The following VSTM4 variants were observed in gnomAD, a reference collection of about 807,000 sequenced individuals.
The protein encoded by VSTM4 is V-set and transmembrane domain containing 4, also known as V-set and transmembrane domain-containing protein 4.
Under a neutral mutation model 36.4 loss-of-function variants are expected in VSTM4, and 20 were observed. The ratio of observed to expected loss-of-function variants is 0.55; its 90% CI spans 0.39 to 0.80. VSTM4 has a LOEUF of 0.80. Among genes scored for constraint, VSTM4 ranks in the 30% least tolerant of loss-of-function variants. The probability of loss-of-function intolerance (pLI) is 0.00; values close to 1 mark genes in which losing one functional copy is unlikely to be tolerated. For synonymous variants in VSTM4, 182 were observed against 173.9 expected, an observed-to-expected ratio of 1.05 and a Z score of -0.37; for missense variants, 392 against 404.5, an observed-to-expected ratio of 0.97 and a Z score of 0.26.
chr10:49,055,922 T>C (rs1843771734), intron 5 of VSTM4, among the ~76,000 whole-genome samples: 1 of 152,238 alleles, frequency 6.6e-6, no homozygotes, highest in South Asian at 2.1e-4. Context: ...TCCGAGTCCT[T>C]GAATCGGAAG....
intron 3 of VSTM4, among the ~76,000 whole-genome samples, chr10:49,084,277 T>C (rs2131999271): frequency 6.6e-6 from 1 of 152,116 alleles, no homozygotes; most frequent in Admixed American, 6.5e-5. Flanking sequence ...AGTCATCAAA[T>C]AAAGAAAAAG....
chr10:49,078,486 A>G (rs1844219579), intron 3 of VSTM4, among the ~76,000 whole-genome samples: 1 of 147,910 alleles, frequency 6.8e-6, no homozygotes, highest in Admixed American at 6.8e-5. Flanking sequence ...CGACACACAC[A>G]CCAACCTGGA....
chr10:49,043,125 T>C (rs1843546630), intron 7 of VSTM4, among the ~76,000 whole-genome samples: 1 of 152,240 alleles, frequency 6.6e-6, no homozygotes, highest in Admixed American at 6.5e-5. Flanking sequence ...TGGGATGCAC[T>C]GTCCAATGTG....
intron 1 of VSTM4, among the ~76,000 whole-genome samples, chr10:49,111,619 T>C (rs1210096708): frequency 6.6e-6 from 1 of 152,202 alleles, no homozygotes; most frequent in Non-Finnish European, 1.5e-5. Flanking sequence ...TGACCCTGTG[T>C]TGCGGAGAAT....
intron 7 of VSTM4, among the ~76,000 whole-genome samples, chr10:49,044,495 A>G (rs1300340046): frequency 6.6e-6 from 1 of 151,634 alleles, no homozygotes; most frequent in East Asian, 1.9e-4. Context: ...AAATTAAAGA[A>G]AAGAAGGAAG....
intron 5 of VSTM4, among the ~76,000 whole-genome samples, chr10:49,061,088 A>C (rs143743062): frequency 3.7e-4 from 57 of 152,334 alleles, no homozygotes; most frequent in African/African-American, 1.3e-3. Context: ...GGACAGAAGA[A>C]CTGTAAGTCC....
chr10:49,051,878 G>A (rs1843703688), intron 5 of VSTM4, among the ~76,000 whole-genome samples: 2 of 151,810 alleles, frequency 1.3e-5, no homozygotes, highest in South Asian at 2.1e-4. Flanking sequence ...ACCCTTCCTT[G>A]TTCATATATA....
At chr10:49,038,690 T>C (rs1174130622) in intron 7 of VSTM4, among the ~76,000 whole-genome samples, 1 of 152,146 alleles carries the variant, frequency 6.6e-6, no homozygotes, top group African/African-American at 2.4e-5. Context: ...GGGCAGGCCA[T>C]GAGCTCCGTG....
chr10:49,078,781 T>C (rs1262866461), intron 3 of VSTM4, among the ~76,000 whole-genome samples: 1 of 152,186 alleles, frequency 6.6e-6, no homozygotes, highest in Non-Finnish European at 1.5e-5. Context: ...AATGCTATCA[T>C]TGGGAGACAT....
At chr10:49,035,687 A>AAAAAGTT (rs1564568423) in intron 7 of VSTM4, among the ~76,000 whole-genome samples, 17 of 150,908 alleles carry the variant, frequency 1.1e-4, no homozygotes, top group African/African-American at 4.2e-4. Context: ...AAAAAAAAAA[A>AAAAAGTT]AAAAGTTAGA....
chr10:49,035,494 C>T (rs1125517), intron 7 of VSTM4, among the ~76,000 whole-genome samples: 25,555 of 151,766 alleles, frequency 0.17, 2,357 homozygotes, highest in South Asian at 0.36. Flanking sequence ...CCTTTGTCTC[C>T]CAAAAGGGAG....
intron 2 of VSTM4, among the ~76,000 whole-genome samples, chr10:49,087,293 G>A (rs761261124): frequency 2.6e-5 from 4 of 151,944 alleles, no homozygotes; most frequent in Admixed American, 6.5e-5. Flanking sequence ...CTAATTCTGC[G>A]ACCATATCAA....
At chr10:49,113,198 T>C (rs1202448229) in intron 1 of VSTM4, among the ~76,000 whole-genome samples, 9 of 152,218 alleles carry the variant, frequency 5.9e-5, no homozygotes, top group African/African-American at 2.2e-4. Flanking sequence ...GTGAGCTTTC[T>C]TATTAAAAGA....
rs1460426454 is a variant in VSTM4, at chr10:49,047,060, A to G, written c.776-16T>C. On this transcript the variant is annotated splice_polypyrimidine_tract_variant and intron_variant, in intron 6 of 7. Coordinates refer to ENST00000332853, the MANE Select transcript of VSTM4 (RefSeq NM_001031746.5). ...GCTATCGGAGCTGTGGAAGTAGGTC[A>G]AGGGTTTAGCTTGCAGTTCCTCCCA... is the stretch of plus-strand genomic sequence containing the variant. 2.3e-5 allele frequency: 37 copies of G among 1,613,902 alleles called. No homozygotes were observed. The highest frequency in any genetic ancestry group is 3.1e-5 in the Non-Finnish European group (37 of 1,179,884).
chr10:49,073,636 C>T (rs935699640), intron 4 of VSTM4, among the ~76,000 whole-genome samples: 3 of 152,188 alleles, frequency 2.0e-5, no homozygotes, highest in Non-Finnish European at 2.9e-5. Context: ...ACAATCCTGC[C>T]CTTCCCCCAA....
At chr10:49,058,052 G>T (rs1843812490) in intron 5 of VSTM4, among the ~76,000 whole-genome samples, 2 of 152,172 alleles carry the variant, frequency 1.3e-5, no homozygotes, top group Admixed American at 6.5e-5. Flanking sequence ...TCTAATGAGA[G>T]GCCATTGGAC....
intron 5 of VSTM4, among the ~76,000 whole-genome samples, chr10:49,062,775 C>T (rs1843902572): frequency 6.6e-6 from 1 of 152,088 alleles, no homozygotes; most frequent in Non-Finnish European, 1.5e-5. Context: ...GATGTCTGTT[C>T]ATTTTTTGTT....
intron 2 of VSTM4, among the ~76,000 whole-genome samples, chr10:49,086,530 G>T (rs1156364257): frequency 2.6e-5 from 4 of 152,218 alleles, no homozygotes; most frequent in African/African-American, 9.7e-5. Context: ...GGTAATGGTA[G>T]ATCACTGAAT....
chr10:49,097,201 G>A (rs1483879677), intron 2 of VSTM4, among the ~76,000 whole-genome samples: 1 of 152,198 alleles, frequency 6.6e-6, no homozygotes, highest in Non-Finnish European at 1.5e-5. Context: ...GAGCCCCTTG[G>A]ACACTTATGC....
Sources: gnomAD v4.1 joint callset for allele counts (sites outside exome capture counted in the v4.1 genomes callset) on GRCh38, gnomAD v4.1.1 for gene constraint, MANE v1.5 for transcripts, NCBI Gene and HGNC (gene_info 2026-07-23, HGNC 2026-07-21) for gene names.